HEATR1: variants seen among roughly 807,000 people sequenced by gnomAD.
The protein encoded by HEATR1 is HEAT repeat containing 1.
HEATR1 carries 77 observed loss-of-function variants against 248.2 expected under a neutral mutation model. The ratio of observed to expected loss-of-function variants is 0.31; its 90% CI spans 0.26 to 0.37. The LOEUF (loss-of-function observed/expected upper bound fraction) is 0.37, where lower values mean the gene tolerates loss of function less well. HEATR1 is among the 10% of genes least tolerant of loss of function. The pLI is 1.00. For synonymous variants in HEATR1, 897 were observed against 923.1 expected (o/e 0.97, Z 0.51); for missense variants, 2,420 against 2,504.9 (o/e 0.97, Z 0.72).
intron 36 of HEATR1, 149 bp downstream of exon 36, chr1:236,558,088 G>A (rs1572032680): frequency 1.2e-6 from 1 of 866,274 alleles, no homozygotes; most frequent in East Asian, 2.7e-5. Flanking sequence ...ACAGCCGTGA[G>A]CCACCACACC....
intron 26 of HEATR1, 77 bp downstream of exon 26, chr1:236,572,334 T>C: frequency 7.0e-7 from 1 of 1,431,518 alleles, no homozygotes; most frequent in Admixed American, 1.8e-5. Context: ...GAAGAGTATG[T>C]TGAAAAGAGA....
intron 32 of HEATR1, among the ~76,000 whole-genome samples, chr1:236,563,825 T>C (rs1663200112): frequency 6.6e-6 from 1 of 151,768 alleles, no homozygotes; most frequent in Non-Finnish European, 1.5e-5. Context: ...TATATCCAGG[T>C]AAAGAAAGGC....
chr1:236,580,823 G>T (rs1359718547), intron 20 of HEATR1, among the ~76,000 whole-genome samples: 4 of 46,154 alleles, frequency 8.7e-5, no homozygotes, highest in Non-Finnish European at 1.6e-4. Flanking sequence ...GGCCTTTATC[G>T]ATTTTTTTTT....
At chr1:236,590,976 T>A in intron 11 of HEATR1, 22 bp from the exon 12 acceptor site, 1 of 1,196,862 alleles carries the variant, frequency 8.4e-7, no homozygotes, top group Non-Finnish European at 1.1e-6. Flanking sequence ...AACATAGTTA[T>A]CAAATGATTT....
At chr1:236,600,400 G>A (rs945908354) in intron 3 of HEATR1, among the ~76,000 whole-genome samples, 2 of 151,838 alleles carry the variant, frequency 1.3e-5, no homozygotes, top group Non-Finnish European at 1.5e-5. Flanking sequence ...CAAAGTGCTA[G>A]GACTACAGGT....
At position 236,550,581 on chromosome 1, in the gene HEATR1, G is replaced by A; in HGVS notation, c.*321C>T. On this transcript the variant is annotated 3_prime_UTR_variant, in exon 45 of 45. Transcript: ENST00000366582. ...GGCTTACAGTGCAAATGAGGCGTCA[G>A]CTTTGGGTGCTAAAATTAACAAGTC... is the stretch of plus-strand genomic sequence containing the variant. 3.9e-6 allele frequency: 1 copy of A among 254,160 alleles called. No individual in the cohort carries two copies. The highest frequency in any genetic ancestry group is 7.5e-6 in the Non-Finnish European group (1 of 134,032). The allele number at this position is 254,160 out of a possible 1,614,324, so 15.7% of individuals were successfully genotyped here.
rs182846500 is a variant in HEATR1 at position 236,558,736 on chromosome 1, T to A, written c.4912-207A>T. On this transcript the variant is annotated intron_variant, in intron 35 of 44. Coordinates refer to ENST00000366582, the MANE Select transcript of HEATR1 (RefSeq NM_018072.6). ...ATCTGGAGTAAAAGGGACTTAGAAC[T>A]ATGCTAAGGCTAAGGCCACGTAAGC... Among the ~76,000 whole-genome samples the A allele has an allele frequency of 3.3e-5, 5 of 152,324 alleles. No homozygotes were observed. In the East Asian group the frequency reaches 9.6e-4, roughly 29 times the overall value.
intron 29 of HEATR1, 44 bp downstream of exon 29, chr1:236,568,952 T>A: frequency 7.4e-7 from 1 of 1,350,074 alleles, no homozygotes; most frequent in Non-Finnish European, 9.6e-7. Flanking sequence ...GCAAAATTTT[T>A]AAATTAAAAA....
At chr1:236,564,820 T>C (rs986286809) in intron 31 of HEATR1, among the ~76,000 whole-genome samples, 159 bp from the exon 32 acceptor site, 13 of 152,096 alleles carry the variant, frequency 8.5e-5, no homozygotes, top group African/African-American at 3.1e-4. Context: ...TCTTCTAAAT[T>C]AGTGAAAAAC....
At chr1:236,591,805 G>C (rs569188138) in intron 11 of HEATR1, among the ~76,000 whole-genome samples, 188 bp downstream of exon 11, 2 of 152,168 alleles carry the variant, frequency 1.3e-5, no homozygotes, top group Middle Eastern at 6.8e-3. Context: ...ACAAATTATT[G>C]TACCTTTCTC....
intron 8 of HEATR1, 114 bp downstream of exon 8, chr1:236,595,426 G>T: frequency 2.3e-6 from 2 of 861,922 alleles, no homozygotes; most frequent in Non-Finnish European, 3.4e-6. Context: ...AGTTACACAA[G>T]AACAACTGGA....
At chr1:236,553,515 C>A in intron 43 of HEATR1, 66 bp downstream of exon 43, 8 of 1,497,478 alleles carry the variant, frequency 5.3e-6, no homozygotes, top group South Asian at 1.3e-5. Flanking sequence ...TCTGTGACCA[C>A]CTGCAGGCTG....
rs768637989 is a variant in HEATR1, at chr1:236,559,842, AAC to A, written c.4647-7_4647-6del. On this transcript the variant is annotated splice_polypyrimidine_tract_variant and splice_region_variant and intron_variant, in intron 33 of 44. Transcript: ENST00000366582. ...CCGAGAACGGTCTCCAGCAACCTGA[AAC>A]ACAGAGGCTCGCTCAGCAAACGGCA... 11 of 1,596,946 alleles carry A rather than the reference AAC, an allele frequency of 6.9e-6. No homozygotes were observed. The highest frequency in any genetic ancestry group is 4.0e-5 in the African/African-American group (3 of 74,610).
Position 236,585,162 on chromosome 1 carries a change from C to T in HEATR1, c.2104G>A (p.Val702Ile), listed in dbSNP as rs771325790. The T allele has an allele frequency of 1.2e-6, 2 of 1,614,022 alleles. No individual in the cohort carries two copies. The highest frequency in any genetic ancestry group is 2.2e-5 in the South Asian group (2 of 91,060). ...ACAGACAGGATCACATGAAACGTTA[C>T]TTTCTGCTTCAGGTTAAAGGACTCC... ...EEESFNLKQK[V>I]TFHVILSVLV... Residue 702 changes from valine to isoleucine, a missense_variant, in exon 17 of 45, where the codon GTA becomes ATA. Physicochemically the swap from Val to Ile is conservative, Grantham distance 29. Coordinates refer to ENST00000366582, the MANE Select transcript of HEATR1 (RefSeq NM_018072.6).
At chr1:236,570,379 CATGTCCAGCATAGGCAGATT>C (rs1391452268) in intron 28 of HEATR1, among the ~76,000 whole-genome samples, 3 of 152,136 alleles carry the variant, frequency 2.0e-5, no homozygotes, top group African/African-American at 7.2e-5. Flanking sequence ...ATTTATATGA[CATGTCCAGCATAGGCAGATT>C]GAGAGAGACA....
chr1:236,569,272 C>T lies in HEATR1; in HGVS notation c.3949-148G>A, dbSNP rs1047978587. ...TTCACTGAAACCTTGGACTCCTAAG[C>T]TCAAGCAATCCTTCCACCTCAGCCT... On this transcript the variant is annotated intron_variant, in intron 28 of 44. Coordinates refer to ENST00000366582, the MANE Select transcript of HEATR1 (RefSeq NM_018072.6). 4 of 550,548 alleles carry T rather than the reference C, an allele frequency of 7.3e-6. No individual in the cohort carries two copies. The African/African-American group carries it at 8.0e-5, about 11-fold the overall frequency. 34.1% of individuals were successfully genotyped at this position (550,548 alleles called of 1,614,324 possible).
At position 236,558,395 on chromosome 1, in the gene HEATR1, A is replaced by G. The variant is rs1663034320; in HGVS notation, c.5046T>C (p.Gly1682=). ...YTLKLLCKNF[G]AENPDPFVPV... is the part of the protein sequence containing the mutation. Reference sequence around the variant, plus strand: ...GGACAAAAGGATCTGGATTTTCTGCACCAAAATTCTTGCATAAAAGCTTTA... The same window carrying G: ...GGACAAAAGGATCTGGATTTTCTGCGCCAAAATTCTTGCATAAAAGCTTTA... The change falls in exon 36 of 45, where the codon GGT becomes GGC. Residue 1682 remains glycine (G), a synonymous_variant. Coordinates refer to ENST00000366582, the MANE Select transcript of HEATR1 (RefSeq NM_018072.6). 4 of 1,614,212 alleles carry G rather than the reference A, an allele frequency of 2.5e-6. No individual in the cohort carries two copies. In the East Asian group the frequency reaches 8.9e-5, roughly 36 times the overall value.
At chr1:236,580,333 T>C (rs1282755573) in intron 20 of HEATR1, among the ~76,000 whole-genome samples, 1 of 152,226 alleles carries the variant, frequency 6.6e-6, no homozygotes, top group Non-Finnish European at 1.5e-5. Flanking sequence ...TGTATTATGA[T>C]GATCTGACTT....
Position 236,586,323 on chromosome 1 carries a change from T to C in HEATR1, c.1845A>G (p.Glu615=), listed in dbSNP as rs1320724877. The change falls in exon 15 of 45, where the codon GAA becomes GAG. Residue 615 remains glutamate, a synonymous_variant. Transcript: ENST00000366582. ...PFMVINNDDT[E]SAEMKIAIYL... ...ATATAGCAATTTTCATCTCAGCAGA[T>C]TCCGTATCATCATTATTGATAACCA... is the stretch of plus-strand genomic sequence containing the variant. The C allele has an allele frequency of 6.2e-7, 1 of 1,613,482 alleles. No homozygotes were observed. The highest frequency in any genetic ancestry group is 1.7e-5 in the Admixed American group (1 of 60,014).
Sources: allele counts gnomAD v4.1 joint callset (sites outside exome capture counted in the v4.1 genomes callset), GRCh38; gene constraint gnomAD v4.1.1; transcripts MANE v1.5; gene names NCBI Gene and HGNC (gene_info 2026-07-23, HGNC 2026-07-21).